The following USP34 variants were observed in gnomAD, a reference collection of about 807,000 sequenced individuals.
USP34 encodes the protein ubiquitin specific peptidase 34, also known as ubiquitin carboxyl-terminal hydrolase 34.
USP34 carries 70 observed loss-of-function variants against 460.3 expected under a neutral mutation model. The observed-to-expected ratio is 0.15, with a 90% CI of 0.13 to 0.19. The LOEUF is 0.19. Ranked by LOEUF, USP34 falls within the 10% of genes least tolerant of loss-of-function variation. The probability of loss-of-function intolerance (pLI) is 1.00; values close to 1 mark genes in which losing one functional copy is unlikely to be tolerated. For missense variants in USP34, 3,985 were observed against 4,236.2 expected, an observed-to-expected ratio of 0.94 and a Z score of 1.65; for synonymous variants, 1,647 against 1,405.3, an observed-to-expected ratio of 1.17 and a Z score of -3.85.
intron 52 of USP34, 26 bp from the exon 53 acceptor site, chr2:61,241,681 T>C (rs368205077): frequency 6.4e-7 from 1 of 1,561,684 alleles, no homozygotes; most frequent in Non-Finnish European, 8.7e-7. Flanking sequence ...AAAAAATTTA[T>C]TTTCATTTTG....
At chr2:61,441,890 G>C (rs1694976784) in intron 1 of USP34, among the ~76,000 whole-genome samples, 2 of 148,614 alleles carry the variant, frequency 1.3e-5, no homozygotes, top group African/African-American at 4.9e-5. Context: ...GAAAGCTGTA[G>C]TAACCAAAAC....
At chr2:61,306,645 T>C (rs967294326) in intron 27 of USP34, among the ~76,000 whole-genome samples, 3 of 152,176 alleles carry the variant, frequency 2.0e-5, no homozygotes, top group Non-Finnish European at 4.4e-5. Flanking sequence ...ATCTATAAAT[T>C]ACCTTGGTCA....
At chr2:61,442,371 T>C (rs1264736672) in intron 1 of USP34, among the ~76,000 whole-genome samples, 5 of 125,376 alleles carry the variant, frequency 4.0e-5, no homozygotes, top group African/African-American at 1.5e-4. Flanking sequence ...GGGATTAACA[T>C]CAAGAATTTA....
chr2:61,392,936 A>T (rs1202269700), intron 5 of USP34, among the ~76,000 whole-genome samples: 1 of 152,202 alleles, frequency 6.6e-6, no homozygotes, highest in Non-Finnish European at 1.5e-5. Context: ...AAAACTTTCT[A>T]TCAAACAAAT....
intron 8 of USP34, among the ~76,000 whole-genome samples, chr2:61,376,977 T>C (rs936060106): frequency 3.9e-5 from 6 of 152,184 alleles, no homozygotes; most frequent in Admixed American, 1.3e-4. Context: ...CTGGATATCG[T>C]CTACATAATG....
intron 43 of USP34, among the ~76,000 whole-genome samples, chr2:61,261,881 G>T (rs1434863548): frequency 4.6e-5 from 7 of 151,530 alleles, no homozygotes; most frequent in African/African-American, 9.7e-5. Context: ...GAGGCGGGGG[G>T]ATCACGAGGT....
chr2:61,301,832 G>A (rs1045347321), intron 27 of USP34, among the ~76,000 whole-genome samples: 9 of 151,882 alleles, frequency 5.9e-5, no homozygotes, highest in African/African-American at 9.7e-5. Flanking sequence ...TTTCCTTACC[G>A]CCCAATCTAA....
At chr2:61,240,661 C>A (rs1191864469) in intron 53 of USP34, among the ~76,000 whole-genome samples, 1 of 151,066 alleles carries the variant, frequency 6.6e-6, no homozygotes, top group Non-Finnish European at 1.5e-5. Flanking sequence ...ATAACCTCCG[C>A]CTCTCAGGTT....
intron 66 of USP34, among the ~76,000 whole-genome samples, chr2:61,221,132 TCAAA>T (rs918655275): frequency 2.2e-4 from 33 of 152,296 alleles, no homozygotes; most frequent in South Asian, 2.1e-4. Flanking sequence ...TTTCCAATAC[TCAAA>T]CAAGGAGAAA....
Position 61,222,544 on chromosome 2 carries a change from C to G in USP34, c.7794+75G>C, listed in dbSNP as rs145323111. ...ACCCTGATAAATTTGTTCTCGAGAA[C>G]AATTAGGCTCATTTGAAAGCATTAG... is the stretch of plus-strand genomic sequence containing the variant. On this transcript the variant is annotated intron_variant, in intron 65 of 79. Coordinates refer to ENST00000398571, the MANE Select transcript of USP34 (RefSeq NM_014709.4). The G allele has an allele frequency of 8.8e-5, 109 of 1,231,750 alleles. No individual in the cohort carries two copies. In the African/African-American group the frequency reaches 1.3e-3, roughly 15 times the overall value. The allele number at this position is 1,231,750 out of a possible 1,614,324, so 76.3% of individuals were successfully genotyped here. A position where few individuals can be genotyped will look rare whatever the true frequency, so the allele number is the denominator to read the frequency against.
intron 48 of USP34, among the ~76,000 whole-genome samples, chr2:61,251,574 T>G (rs2103883118): frequency 6.6e-6 from 1 of 152,352 alleles, no homozygotes; most frequent in Middle Eastern, 3.4e-3. Flanking sequence ...GATTATTAGG[T>G]AACCACCTTG....
intron 1 of USP34, among the ~76,000 whole-genome samples, chr2:61,455,437 C>G (rs1174010762): frequency 6.6e-6 from 1 of 152,140 alleles, no homozygotes; most frequent in Non-Finnish European, 1.5e-5. Context: ...CTTGGCCTCC[C>G]AAAGTGCTAG....
chr2:61,316,458 G>A (rs1420627530), intron 23 of USP34, among the ~76,000 whole-genome samples: 1 of 151,684 alleles, frequency 6.6e-6, no homozygotes, highest in Non-Finnish European at 1.5e-5. Context: ...GGTGGTGCAT[G>A]CCTGTTGTCC....
Position 61,301,124 on chromosome 2 carries a change from G to A in USP34, c.3955C>T (p.Arg1319Trp), listed in dbSNP as rs1383849061. The A allele has an allele frequency of 3.7e-6, 6 of 1,613,622 alleles. No homozygotes were observed. The highest frequency in any genetic ancestry group is 1.6e-4 in the Middle Eastern group (1 of 6,062). The change falls in exon 29 of 80, where the codon CGG becomes TGG. Residue 1319 changes from arginine (R) to tryptophan (W), a missense_variant. Transcript: ENST00000398571. ...GGCAGCTGAACACCTTCCCCTTTCC[G>A]CTCTCTCCTTGGTGCACCCAAAGAT... ...FVSLGAPRRE[R>W]KGEGVQLPAS...
At chr2:61,387,548 A>C (rs1269001761) in intron 5 of USP34, among the ~76,000 whole-genome samples, 2 of 146,386 alleles carry the variant, frequency 1.4e-5, no homozygotes, top group Non-Finnish European at 3.0e-5. Context: ...CATATATAAA[A>C]TATATATATT....
At chr2:61,312,509 T>TA (rs1690624969) in intron 25 of USP34, among the ~76,000 whole-genome samples, 1 of 149,014 alleles carries the variant, frequency 6.7e-6, no homozygotes, top group Non-Finnish European at 1.5e-5. Context: ...GTACCTGAGT[T>TA]TAAAAAAAAA....
chr2:61,389,607 T>C (rs1341512737), intron 5 of USP34, among the ~76,000 whole-genome samples: 2 of 152,180 alleles, frequency 1.3e-5, no homozygotes, highest in African/African-American at 2.4e-5. Flanking sequence ...TTACATACTA[T>C]GCAACAGAGG....
chr2:61,455,598 C>T lies in USP34; in HGVS notation c.43+15052G>A, dbSNP rs190910190. Among the ~76,000 whole-genome samples, 118 of 152,172 alleles carry T rather than the reference C, an allele frequency of 7.8e-4. 1 individual carries two copies. Among genetic ancestry groups the T allele is most frequent in the African/African-American group, 2.4e-3 (99 of 41,518 alleles). ...GACCAGCCCAGGCAGCATACCAAGA[C>T]CCCCATCTCAAAAACTTATATGCAT... On this transcript the variant is annotated intron_variant, in intron 1 of 79. Transcript: ENST00000398571.
intron 5 of USP34, among the ~76,000 whole-genome samples, chr2:61,394,330 C>G (rs1693448304): frequency 6.6e-6 from 1 of 151,702 alleles, no homozygotes; most frequent in African/African-American, 2.4e-5. Flanking sequence ...AAAAATTTCC[C>G]AGGACAGAAT....
Sources: allele counts gnomAD v4.1 joint callset (sites outside exome capture counted in the v4.1 genomes callset), GRCh38; gene constraint gnomAD v4.1.1; transcripts MANE v1.5; gene names NCBI Gene and HGNC (gene_info 2026-07-23, HGNC 2026-07-21).